RPL7: variants seen among roughly 807,000 people sequenced by gnomAD.
RPL7 encodes the protein large ribosomal subunit protein uL30.
For synonymous variants in RPL7, 100 were observed against 102.2 expected, an observed-to-expected ratio of 0.98 and a Z score of 0.13; for missense variants, 205 against 301.9, an observed-to-expected ratio of 0.68 and a Z score of 2.38.
chr8:73,291,544 G>A lies in RPL7; in HGVS notation c.538+8C>T, dbSNP rs764980955. 2 of 1,585,388 alleles carry A rather than the reference G, an allele frequency of 1.3e-6. No individual in the cohort carries two copies. Among genetic ancestry groups the A allele is most frequent in the African/African-American group, 1.3e-5 (1 of 74,238 alleles). On this transcript the variant is annotated splice_region_variant and intron_variant, in intron 5 of 6. Coordinates refer to ENST00000352983, the MANE Select transcript of RPL7 (RefSeq NM_000971.4). Reference sequence around the variant, plus strand: ...CTAATACCAAATTTTCCCCCAAATAGAACCTACCAAGAGATCGAGCAATCA... The same window carrying A: ...CTAATACCAAATTTTCCCCCAAATAAAACCTACCAAGAGATCGAGCAATCA...
At position 73,293,622 on chromosome 8, in the gene RPL7, C is replaced by A. The variant is rs1554579626; in HGVS notation, c.-10G>T. Reference sequence around the variant, plus strand: ...ACTCTACACCCTCCATGGTTCCAGCCGGAAAAAGAGGAAGTTGGCGCATGC... The same window carrying A: ...ACTCTACACCCTCCATGGTTCCAGCAGGAAAAAGAGGAAGTTGGCGCATGC... On this transcript the variant is annotated 5_prime_UTR_variant, in exon 1 of 7. Coordinates refer to ENST00000352983, the MANE Select transcript of RPL7 (RefSeq NM_000971.4). 3 of 1,613,712 alleles carry A rather than the reference C, an allele frequency of 1.9e-6. No individual in the cohort carries two copies. The South Asian group carries it at 3.3e-5, about 18-fold the overall frequency.
At chr8:73,291,950 C>T (rs1380118918) in intron 3 of RPL7, 40 bp from the exon 4 acceptor site, 21 of 1,599,208 alleles carry the variant, frequency 1.3e-5, no homozygotes, top group African/African-American at 5.4e-5. Flanking sequence ...TGCCTTTCAT[C>T]GAAATTTTTA....
At chr8:73,292,633 C>A in intron 2 of RPL7, 56 bp downstream of exon 2, 3 of 1,316,284 alleles carry the variant, frequency 2.3e-6, no homozygotes, top group South Asian at 2.5e-5. Context: ...TTCACCTCAT[C>A]CTCAATCCCA....
chr8:73,292,354 T>G lies in RPL7; in HGVS notation c.175A>C (p.Lys59Gln), dbSNP rs763151745. ...GTTCTGTACATCTGCCTATATTCCT[T>G]GTGATAGTGCTTTGCTTTTTCATAG... ...LIYEKAKHYH[K>Q]EYRQMYRTEI... The change falls in exon 3 of 7, where the codon AAG becomes CAG. Residue 59 changes from lysine to glutamine, a missense_variant. Physicochemically the swap from Lys to Gln is moderately conservative, Grantham distance 53 (BLOSUM62 1). Transcript: ENST00000352983. 1 of 1,603,626 alleles carries G rather than the reference T, an allele frequency of 6.2e-7. No individual in the cohort carries two copies. Among genetic ancestry groups the G allele is most frequent in the Non-Finnish European group, 8.5e-7 (1 of 1,179,258 alleles).
At chr8:73,291,971 C>T (rs1371908829) in intron 3 of RPL7, 61 bp from the exon 4 acceptor site, 5 of 1,583,716 alleles carry the variant, frequency 3.2e-6, no homozygotes, top group Non-Finnish European at 3.5e-6. Flanking sequence ...TTAATACTAA[C>T]CATTATAGTT....
At chr8:73,294,260 C>T (rs1321014285), upstream of RPL7, 2 of 152,954 alleles carry the variant, frequency 1.3e-5, no homozygotes, top group East Asian at 1.9e-4. Context: ...AGTGCTCTAG[C>T]TTACGAAAAG....
intron 1 of RPL7, chr8:73,293,225 G>A (rs915569565): frequency 3.9e-6 from 1 of 253,458 alleles, no homozygotes; most frequent in African/African-American, 2.3e-5. Flanking sequence ...GGTTCAATCA[G>A]GATCCACATG....
chr8:73,293,085 A>C, intron 1 of RPL7: 2 of 314,618 alleles, frequency 6.4e-6, no homozygotes, highest in Admixed American at 4.6e-5. Context: ...AAAAAAAAAC[A>C]AAAAAAACAC....
intron 3 of RPL7, 68 bp downstream of exon 3, chr8:73,292,171 C>T: frequency 1.4e-6 from 2 of 1,442,990 alleles, no homozygotes; most frequent in Non-Finnish European, 1.9e-6. Flanking sequence ...ATCAGGGCTC[C>T]CAGAAGTAAT....
At chr8:73,290,973 A>C in intron 6 of RPL7, 70 bp downstream of exon 6, 1 of 1,204,724 alleles carries the variant, frequency 8.3e-7, no homozygotes, top group Admixed American at 1.9e-5. Flanking sequence ...TTTAATGGGA[A>C]AAGTATTCAA....
rs754917925 is a variant in RPL7 at position 73,292,417 on chromosome 8, TAATC to T, written c.124-16_124-13del. 1 of 1,589,800 alleles carries T rather than the reference TAATC, an allele frequency of 6.3e-7. No individual in the cohort carries two copies. Among genetic ancestry groups the T allele is most frequent in the South Asian group, 1.1e-5 (1 of 89,030 alleles). ...CTTGCCTTTCGAAGCTGAAAACCAA[TAATC>T]AGTTATTCATAATTTTTAGCTCAAT... is the stretch of plus-strand genomic sequence containing the variant. On this transcript the variant is annotated splice_polypyrimidine_tract_variant and intron_variant, in intron 2 of 6. Transcript: ENST00000352983.
At chr8:73,291,974 TTA>T (rs1814108075) in intron 3 of RPL7, 64 bp from the exon 4 acceptor site, 17 of 1,580,186 alleles carry the variant, frequency 1.1e-5, no homozygotes, top group African/African-American at 2.7e-5. Flanking sequence ...ATACTAACCA[TTA>T]TAGTTTTGAA....
At chr8:73,292,526 A>G in intron 2 of RPL7, 121 bp from the exon 3 acceptor site, 3 of 1,089,312 alleles carry the variant, frequency 2.8e-6, no homozygotes, top group Non-Finnish European at 4.0e-6. Flanking sequence ...GTATGCAATT[A>G]CATCCCCCAC....
upstream of RPL7, chr8:73,293,650 ACT>A: frequency 6.2e-7 from 1 of 1,612,900 alleles, no homozygotes. Context: ...GCGCATGCGT[ACT>A]GTCCACTTAA....
chr8:73,293,749 G>T (rs1814174006), upstream of RPL7: 2 of 999,098 alleles, frequency 2.0e-6, no homozygotes, highest in East Asian at 5.3e-5. Context: ...CCTTGCAGAC[G>T]CAAAGAACTC....
In RPL7 at chr8:73,291,799, C is replaced by T. The variant is rs762974526; in HGVS notation, c.402G>A (p.Arg134=). 1 of 1,610,086 alleles carries T rather than the reference C, an allele frequency of 6.2e-7. No individual in the cohort carries two copies. The highest frequency in any genetic ancestry group is 8.5e-7 in the Non-Finnish European group (1 of 1,176,528). ...KLNKASINML[R]IVEPYIAWGY... is the part of the protein sequence containing the mutation. ...CCCATGCAATATATGGCTCTACAAT[C>T]CTCAGCATGTTAATCGAAGCCTTGT... The change falls in exon 4 of 7, where the codon AGG becomes AGA. Residue 134 remains arginine, a synonymous_variant. Transcript: ENST00000352983.
At chr8:73,292,172 C>G in intron 3 of RPL7, 67 bp downstream of exon 3, 1 of 1,442,924 alleles carries the variant, frequency 6.9e-7, no homozygotes, top group Non-Finnish European at 9.5e-7. Flanking sequence ...TCAGGGCTCC[C>G]AGAAGTAATG....
Position 73,291,699 on chromosome 8 carries a change from G to T in RPL7, c.429-38C>A. 2.5e-6 allele frequency: 4 copies of T among 1,590,276 alleles called. No homozygotes were observed. In the South Asian group the frequency reaches 4.5e-5, roughly 18 times the overall value. ...AGCAAACATAAATAAGGTGACCACTGTTAAAACATCTAAAATTCATGTTGC... is the reference window on the plus strand; with the variant it reads ...AGCAAACATAAATAAGGTGACCACTTTTAAAACATCTAAAATTCATGTTGC... On this transcript the variant is annotated intron_variant, in intron 4 of 6. Coordinates refer to ENST00000352983, the MANE Select transcript of RPL7 (RefSeq NM_000971.4).
At chr8:73,291,481 A>T in intron 5 of RPL7, 71 bp downstream of exon 5, 1 of 1,135,034 alleles carries the variant, frequency 8.8e-7, no homozygotes, top group Non-Finnish European at 1.3e-6. Context: ...ATAGTGAGAA[A>T]TGTACGGCCA....
Sources: gnomAD v4.1 joint callset for allele counts on GRCh38, gnomAD v4.1.1 for gene constraint, MANE v1.5 for transcripts, NCBI Gene and HGNC (gene_info 2026-07-23, HGNC 2026-07-21) for gene names.